Variants in ATP7B observed in about 807,000 individuals in gnomAD.
ATP7B encodes copper-transporting ATPase 2.
A neutral mutation model predicts 118.9 loss-of-function variants in ATP7B; 113 were observed. The ratio of observed to expected loss-of-function variants is 0.95; its 90% CI spans 0.82 to 1.11. ATP7B has a LOEUF of 1.11. ATP7B is among the 50% of genes most tolerant of loss of function. The pLI is 0.00. For missense variants in ATP7B, 1,867 were observed against 1,871.4 expected (o/e 1.00, Z 0.04); for synonymous variants, 777 against 727.4 (o/e 1.07, Z -1.10).
intron 2 of ATP7B, among the ~76,000 whole-genome samples, chr13:51,972,366 CCCATCTCA>C (rs1951883326): frequency 6.6e-6 from 1 of 152,038 alleles, no homozygotes; most frequent in South Asian, 2.1e-4. Context: ...CTAATTCTTT[CCCATCTCA>C]CAATCACTCT....
chr13:52,006,549 G>A (rs1488272785), intron 1 of ATP7B, among the ~76,000 whole-genome samples: 1 of 152,126 alleles, frequency 6.6e-6, no homozygotes, highest in African/African-American at 2.4e-5. Context: ...GTCTGGATGG[G>A]GACGATCATT....
chr13:51,968,833 G>A (rs534686389), intron 3 of ATP7B, among the ~76,000 whole-genome samples: 2 of 151,670 alleles, frequency 1.3e-5, no homozygotes, highest in South Asian at 2.1e-4. Context: ...GTATCCCAGG[G>A]TAGGTGGCAG....
chr13:51,946,644 T>C, intron 12 of ATP7B, 166 bp from the exon 13 acceptor site: 1 of 764,394 alleles, frequency 1.3e-6, no homozygotes. Context: ...GAGAACACGT[T>C]ACTGCTCTCC....
Position 52,011,308 on chromosome 13 carries a change from G to A in ATP7B, c.30C>T (p.Ala10=). The change falls in exon 1 of 21, where the codon GCC becomes GCT. Residue 10 remains alanine, a synonymous_variant. Coordinates refer to ENST00000242839, the MANE Select transcript of ATP7B (RefSeq NM_000053.4). ...TCACTTTCCGACTGGCCCCTTCTCT[G>A]GCTGTGATCTGTCTCTCCTGCTCAG... is the stretch of plus-strand genomic sequence containing the variant. MPEQERQIT[A]REGASRKILS... is the part of the protein sequence containing the mutation. 1 of 1,614,238 alleles carries A rather than the reference G, an allele frequency of 6.2e-7. No homozygotes were observed. Among genetic ancestry groups the A allele is most frequent in the African/African-American group, 1.3e-5 (1 of 75,078 alleles).
chr13:51,997,984 C>T (rs1179170852), intron 1 of ATP7B, among the ~76,000 whole-genome samples: 5 of 152,162 alleles, frequency 3.3e-5, no homozygotes, highest in Admixed American at 2.0e-4. Context: ...GGCCACCTTC[C>T]TAGGCTACAG....
At chr13:51,981,877 C>T (rs941112180) in intron 1 of ATP7B, among the ~76,000 whole-genome samples, 2 of 152,102 alleles carry the variant, frequency 1.3e-5, no homozygotes, top group Admixed American at 6.5e-5. Context: ...GTGATTTTCC[C>T]GTTTGTCTAA....
intron 1 of ATP7B, among the ~76,000 whole-genome samples, chr13:51,989,594 C>T (rs536965306): frequency 1.3e-5 from 2 of 151,126 alleles, no homozygotes; most frequent in African/African-American, 4.9e-5. Flanking sequence ...TATGTACATA[C>T]AAATATGTTA....
rs1341172185 is a variant in ATP7B at position 51,934,798 on chromosome 13, C to A, written c.4356G>T (p.Trp1452Cys). Residue 1452 changes from tryptophan (W) to cysteine (C), a missense_variant, in exon 21 of 21, where the codon TGG becomes TGT. By Grantham distance (215) the Trp-to-Cys change is radical. Transcript: ENST00000242839. Reference sequence around the variant, plus strand: ...CATCCCTGCCATTCAGGAGCAGAGACCACTTGTCCCCATCATCGTCTGCTG... The same window carrying A: ...CATCCCTGCCATTCAGGAGCAGAGAACACTTGTCCCCATCATCGTCTGCTG... ...SAAADDDGDK[W>C]SLLLNGRDEE... 1.2e-6 allele frequency: 2 copies of A among 1,614,160 alleles called. No individual in the cohort carries two copies. Among genetic ancestry groups the A allele is most frequent in the South Asian group, 1.1e-5 (1 of 91,086 alleles).
chr13:52,011,555 G>A, upstream of ATP7B: 1 of 641,854 alleles, frequency 1.6e-6, no homozygotes, highest in Non-Finnish European at 2.8e-6. Flanking sequence ...ATTCAAAGTT[G>A]CGCGCCGCCG....
intron 6 of ATP7B, among the ~76,000 whole-genome samples, chr13:51,961,466 G>GA (rs1262984242): frequency 4.0e-5 from 6 of 148,750 alleles, no homozygotes; most frequent in Non-Finnish European, 7.5e-5. Flanking sequence ...ATTGTCAAAG[G>GA]AAAAAAAATC....
At chr13:52,007,939 C>T (rs960600166) in intron 1 of ATP7B, among the ~76,000 whole-genome samples, 1 of 152,098 alleles carries the variant, frequency 6.6e-6, no homozygotes, top group South Asian at 2.1e-4. Context: ...CATATCCTTT[C>T]CAGGAACCAC....
In ATP7B at chr13:51,996,279, T is replaced by A. The variant is rs146225925; in HGVS notation, c.51+15008A>T. Among the ~76,000 whole-genome samples, 255 of 152,234 alleles carry A rather than the reference T, an allele frequency of 1.7e-3. 1 individual carries two copies. The highest frequency in any genetic ancestry group is 5.9e-3 in the African/African-American group (246 of 41,516). ...ACCACGGCCAGGAACTAAGGCACAA[T>A]TCAGGCTTCTCAGGCTACCTGCTGT... On this transcript the variant is annotated intron_variant, in intron 1 of 20. Transcript: ENST00000242839.
chr13:51,975,141 G>C lies in ATP7B; in HGVS notation c.79C>G (p.Arg27Gly). Residue 27 changes from arginine to glycine, a missense_variant, in exon 2 of 21, where the codon CGT becomes GGT. Physicochemically the swap from Arg to Gly is moderately radical, Grantham distance 125. Coordinates refer to ENST00000242839, the MANE Select transcript of ATP7B (RefSeq NM_000053.4). The stretch of plus-strand genomic sequence containing the variant: ...TTCTTCATTGCTGGTTCCCAGGCAC[G>C]GGTAGGCAAAGAAAGCTTAGATAAG... ...KILSKLSLPT[R>G]AWEPAMKKSF... 6.2e-7 allele frequency: 1 copy of C among 1,614,172 alleles called. No individual in the cohort carries two copies. Among genetic ancestry groups the C allele is most frequent in the East Asian group, 2.2e-5 (1 of 44,884 alleles).
intron 2 of ATP7B, among the ~76,000 whole-genome samples, chr13:51,972,424 G>A (rs1233751712): frequency 2.0e-5 from 3 of 149,022 alleles, no homozygotes; most frequent in African/African-American, 7.5e-5. Flanking sequence ...TGCATTTCCG[G>A]CCCCACACTC....
chr13:51,977,168 CAATAAT>C (rs1952159621), intron 1 of ATP7B, among the ~76,000 whole-genome samples: 1 of 151,528 alleles, frequency 6.6e-6, no homozygotes, highest in African/African-American at 2.4e-5. Flanking sequence ...GTCTCTGAAA[CAATAAT>C]AATAATTTAT....
At chr13:51,998,573 C>G (rs1409406078) in intron 1 of ATP7B, among the ~76,000 whole-genome samples, 1 of 152,176 alleles carries the variant, frequency 6.6e-6, no homozygotes, top group African/African-American at 2.4e-5. Flanking sequence ...CATATTTCTT[C>G]TAGGTCTTCA....
At chr13:51,936,438 G>A (rs569906679) in intron 19 of ATP7B, among the ~76,000 whole-genome samples, 4 of 150,348 alleles carry the variant, frequency 2.7e-5, no homozygotes, top group African/African-American at 7.3e-5. Context: ...GTTCCTGGGG[G>A]CAGGGGGCAG....
intron 12 of ATP7B, among the ~76,000 whole-genome samples, chr13:51,948,309 G>T (rs1957789007): frequency 6.6e-6 from 1 of 152,010 alleles, no homozygotes; most frequent in Non-Finnish European, 1.5e-5. Context: ...GCTATTCACA[G>T]GCACGATCAT....
chr13:51,961,917 G>A lies in ATP7B; in HGVS notation c.1870-4C>T, dbSNP rs1294597323. ...GGGAAGCATGAAAGCCAATTTCCTT[G>A]TCATTAAAAAGAGAGGGGTGGGGAA... is the stretch of plus-strand genomic sequence containing the variant. On this transcript the variant is annotated splice_polypyrimidine_tract_variant and splice_region_variant and intron_variant, in intron 5 of 20. Transcript: ENST00000242839. 3.1e-6 allele frequency: 5 copies of A among 1,610,962 alleles called. No homozygotes were observed. The Admixed American group carries it at 6.7e-5, about 21-fold the overall frequency.
Sources: gnomAD v4.1 joint callset for allele counts (sites outside exome capture counted in the v4.1 genomes callset) on GRCh38, gnomAD v4.1.1 for gene constraint, MANE v1.5 for transcripts, NCBI Gene and HGNC (gene_info 2026-07-23, HGNC 2026-07-21) for gene names.